The following FRK variants were observed in gnomAD, a reference collection of about 807,000 sequenced individuals.
FRK encodes tyrosine-protein kinase FRK.
A neutral mutation model predicts 56.4 loss-of-function variants in FRK; 51 were observed. The observed-to-expected ratio is 0.90, with a 90% confidence interval of 0.72 to 1.14. FRK has a LOEUF of 1.14. FRK is among the 50% of genes most tolerant of loss of function. The probability of loss-of-function intolerance (pLI) is 0.00; values close to 1 mark genes in which losing one functional copy is unlikely to be tolerated. For synonymous variants in FRK, 245 were observed against 217.9 expected, an observed-to-expected ratio of 1.12 and a Z score of -1.10; for missense variants, 570 against 601.4, an observed-to-expected ratio of 0.95 and a Z score of 0.55.
At chr6:115,989,938 C>A (rs1471848890) in intron 2 of FRK, among the ~76,000 whole-genome samples, 2 of 151,906 alleles carry the variant, frequency 1.3e-5, no homozygotes, top group Non-Finnish European at 2.9e-5. Context: ...TCCACATCCT[C>A]ACCAATATCT....
In FRK at chr6:115,934,657, G is replaced by C. The variant is rs1207853234; in HGVS notation, c.*7757C>G. 1 of 152,154 alleles carries C rather than the reference G, an allele frequency of 6.6e-6. No individual in the cohort carries two copies. Among genetic ancestry groups the C allele is most frequent in the African/African-American group, 2.4e-5 (1 of 41,436 alleles). The allele number at this position is 152,154 out of a possible 1,614,324, so 9.4% of individuals were successfully genotyped here. A position where few individuals can be genotyped will look rare whatever the true frequency, so the allele number is the denominator to read the frequency against. On this transcript the variant is annotated 3_prime_UTR_variant, in exon 8 of 8. Transcript: ENST00000606080. ...ATTTACTTCTTGTTTAATCTACTTT[G>C]AATTTGGGTTTCTGTAACTGTTTAG...
intron 2 of FRK, among the ~76,000 whole-genome samples, chr6:115,984,540 T>C (rs2114645674): frequency 6.6e-6 from 1 of 152,018 alleles, no homozygotes; most frequent in Non-Finnish European, 1.5e-5. Context: ...TCAATAAGAG[T>C]TCTCAGCACA....
chr6:115,981,076 A>G (rs921095843), intron 2 of FRK, among the ~76,000 whole-genome samples: 31 of 152,184 alleles, frequency 2.0e-4, no homozygotes, highest in African/African-American at 7.2e-4. Flanking sequence ...GACACGGCAC[A>G]CTTACTAAAC....
At chr6:115,999,941 G>A (rs1358193598) in intron 2 of FRK, among the ~76,000 whole-genome samples, 1 of 152,144 alleles carries the variant, frequency 6.6e-6, no homozygotes, top group Admixed American at 6.5e-5. Context: ...TTGTTTAAAA[G>A]ACTAAATTGT....
intron 1 of FRK, among the ~76,000 whole-genome samples, chr6:116,042,652 C>T (rs1405105093): frequency 3.9e-5 from 6 of 152,070 alleles, no homozygotes; most frequent in African/African-American, 1.5e-4. Context: ...TAAAGACCAT[C>T]GACACTGTGA....
Position 116,060,395 on chromosome 6 carries a change from A to G in FRK, c.-84T>C. The G allele has an allele frequency of 9.2e-7, 1 of 1,090,930 alleles. No homozygotes were observed. The highest frequency in any genetic ancestry group is 2.2e-5 in the Admixed American group (1 of 44,790). The allele number at this position is 1,090,930 out of a possible 1,614,324, so 67.6% of individuals were successfully genotyped here. Reference sequence around the variant, plus strand: ...TCCACCTTATCTTCCTTCACCAGGCAACTTTGAAGTCAGCACCAACTCACC... The same window carrying G: ...TCCACCTTATCTTCCTTCACCAGGCGACTTTGAAGTCAGCACCAACTCACC... On this transcript the variant is annotated 5_prime_UTR_variant, in exon 1 of 8. Coordinates refer to ENST00000606080, the MANE Select transcript of FRK (RefSeq NM_002031.3).
intron 1 of FRK, among the ~76,000 whole-genome samples, chr6:116,015,274 T>C (rs2114722027): frequency 6.6e-6 from 1 of 152,290 alleles, no homozygotes; most frequent in African/African-American, 2.4e-5. Context: ...GGTTTAAAAG[T>C]GGCAGTTTCT....
intron 1 of FRK, among the ~76,000 whole-genome samples, chr6:116,029,891 T>A (rs1776237864): frequency 6.6e-6 from 1 of 152,170 alleles, no homozygotes; most frequent in African/African-American, 2.4e-5. Context: ...TTTAACCTGA[T>A]TTTTAAGGAA....
At chr6:115,985,161 C>T (rs1312468170) in intron 2 of FRK, among the ~76,000 whole-genome samples, 2 of 152,166 alleles carry the variant, frequency 1.3e-5, no homozygotes, top group East Asian at 3.9e-4. Context: ...AAGAACACTC[C>T]CTGCAGGATC....
In FRK at chr6:115,971,998, TG is replaced by T. The variant is rs1214689891; in HGVS notation, c.467-3260del. On this transcript the variant is annotated intron_variant, in intron 2 of 7. Transcript: ENST00000606080. ...GCAGAAACTGAAGCTGACTCCTCTC[TG>T]GGACACTCATGCAGGCCCTTTGGGG... Among the ~76,000 whole-genome samples the T allele has an allele frequency of 3.3e-5, 5 of 152,190 alleles. No homozygotes were observed. The East Asian group carries it at 9.6e-4, about 29-fold the overall frequency.
intron 1 of FRK, among the ~76,000 whole-genome samples, chr6:116,026,453 A>T (rs78853315): frequency 0.019 from 2,846 of 150,996 alleles, 88 homozygotes; most frequent in African/African-American, 0.064. Flanking sequence ...CGTGACACCA[A>T]AAGTATGATT....
chr6:116,091,878 T>G, the FRK span, among the ~76,000 whole-genome samples: 16 of 152,128 alleles, frequency 1.1e-4, no homozygotes, highest in East Asian at 2.1e-3. Context: ...AGCTCTGGGG[T>G]CCAGACAAAA....
intron 2 of FRK, among the ~76,000 whole-genome samples, chr6:115,995,806 G>T (rs1420739269): frequency 2.0e-5 from 3 of 152,092 alleles, no homozygotes; most frequent in Non-Finnish European, 4.4e-5. Context: ...ACTTTATAGA[G>T]TATTTAAAAC....
chr6:116,085,981 T>C, the FRK span, among the ~76,000 whole-genome samples: 1 of 152,096 alleles, frequency 6.6e-6, no homozygotes, highest in Non-Finnish European at 1.5e-5. Flanking sequence ...ATTCAACCAT[T>C]CTCATTACCG....
chr6:115,981,510 A>G (rs1045540801), intron 2 of FRK, among the ~76,000 whole-genome samples: 28 of 152,070 alleles, frequency 1.8e-4, no homozygotes, highest in African/African-American at 6.0e-4. Flanking sequence ...GTAGGATGTT[A>G]TATGTTCCAA....
chr6:115,993,966 T>C (rs1412244443), intron 2 of FRK, among the ~76,000 whole-genome samples: 1 of 152,078 alleles, frequency 6.6e-6, no homozygotes, highest in African/African-American at 2.4e-5. Flanking sequence ...ATTTATCTAC[T>C]GTTCCTTTCA....
chr6:115,973,401 C>T (rs1052211511), intron 2 of FRK, among the ~76,000 whole-genome samples: 8 of 151,994 alleles, frequency 5.3e-5, no homozygotes, highest in Non-Finnish European at 1.5e-5. Flanking sequence ...CACACTGGGG[C>T]CTGTTGGGGG....
At position 116,052,220 on chromosome 6, in the gene FRK, T is replaced by A. The variant is rs553432686; in HGVS notation, c.344+7748A>T. Reference sequence around the variant, plus strand: ...CAGAGGTGGATTAGAGCAACTAATTTCTGAGAACCTGGGAATTATGCTTTT... The same window carrying A: ...CAGAGGTGGATTAGAGCAACTAATTACTGAGAACCTGGGAATTATGCTTTT... On this transcript the variant is annotated intron_variant, in intron 1 of 7. Transcript: ENST00000606080. Among the ~76,000 whole-genome samples the A allele has an allele frequency of 3.3e-5, 5 of 152,320 alleles. No individual in the cohort carries two copies. In the South Asian group the frequency reaches 1.0e-3, roughly 32 times the overall value.
chr6:116,055,729 C>T (rs1028603596), intron 1 of FRK, among the ~76,000 whole-genome samples: 5 of 152,130 alleles, frequency 3.3e-5, no homozygotes, highest in African/African-American at 1.2e-4. Context: ...CACTTAGCAC[C>T]ATACCAGGCC....
Sources: gnomAD v4.1 joint callset for allele counts (sites outside exome capture counted in the v4.1 genomes callset) on GRCh38, gnomAD v4.1.1 for gene constraint, MANE v1.5 for transcripts, NCBI Gene and HGNC (gene_info 2026-07-23, HGNC 2026-07-21) for gene names.